The following AK4 variants were observed in gnomAD, a reference collection of about 807,000 sequenced individuals.
The protein encoded by AK4 is adenylate kinase 4.
Under a neutral mutation model 24.6 loss-of-function variants are expected in AK4, and 13 were observed. The observed-to-expected ratio is 0.53, with a 90% CI of 0.34 to 0.84. The LOEUF is 0.84. Among genes scored for constraint, AK4 ranks in the 40% least tolerant of loss-of-function variants. The pLI, the probability that AK4 is intolerant of heterozygous loss-of-function variation, is 0.01. For missense variants in AK4, 192 were observed against 288.2 expected (o/e 0.67, Z 2.42); for synonymous variants, 88 against 107.0 (o/e 0.82, Z 1.10).
At chr1:65,226,033 A>G (rs142977116) in intron 4 of AK4, 30 bp from the exon 5 acceptor site, 4 of 1,609,254 alleles carry the variant, frequency 2.5e-6, no homozygotes, top group Non-Finnish European at 3.4e-6. Context: ...AAACCTAAAA[A>G]GCCATTGTAT....
intron 1 of AK4, among the ~76,000 whole-genome samples, chr1:65,183,641 A>G (rs1650984666): frequency 6.9e-6 from 1 of 144,198 alleles, no homozygotes; most frequent in Non-Finnish European, 1.5e-5. Flanking sequence ...TTTGTGCTAT[A>G]TAAATATCCG....
At chr1:65,214,271 T>C (rs1466248328) in intron 2 of AK4, among the ~76,000 whole-genome samples, 1 of 152,026 alleles carries the variant, frequency 6.6e-6, no homozygotes, top group African/African-American at 2.4e-5. Context: ...CCACCATGCC[T>C]GGCTTATTTT....
intron 2 of AK4, among the ~76,000 whole-genome samples, chr1:65,197,723 C>T (rs1205861137): frequency 6.6e-6 from 1 of 152,208 alleles, no homozygotes; most frequent in Non-Finnish European, 1.5e-5. Context: ...ACTATAGATG[C>T]TGGAGCCAGA....
At chr1:65,221,858 A>G (rs1247622086) in intron 3 of AK4, among the ~76,000 whole-genome samples, 1 of 152,230 alleles carries the variant, frequency 6.6e-6, no homozygotes, top group East Asian at 1.9e-4. Flanking sequence ...GTGCTAACCT[A>G]GACCAGCTCT....
intron 1 of AK4, chr1:65,154,706 G>T (rs1266721654): frequency 6.4e-6 from 2 of 310,440 alleles, no homozygotes; most frequent in Non-Finnish European, 1.3e-5. Flanking sequence ...AACCACGATA[G>T]TTCTTTGTAC....
At chr1:65,190,634 G>A in intron 1 of AK4, 76 bp from the exon 2 acceptor site, 3 of 1,529,252 alleles carry the variant, frequency 2.0e-6, no homozygotes, top group Admixed American at 4.0e-5. Flanking sequence ...TGGAGAGAAG[G>A]CAAAACTAAG....
chr1:65,162,112 G>A (rs1422992805), intron 1 of AK4, among the ~76,000 whole-genome samples: 2 of 152,152 alleles, frequency 1.3e-5, no homozygotes, highest in Admixed American at 1.3e-4. Context: ...TTAGCTGGAC[G>A]TGGTGGTGCA....
chr1:65,150,835 G>A (rs1649747526), intron 1 of AK4, among the ~76,000 whole-genome samples: 1 of 152,172 alleles, frequency 6.6e-6, no homozygotes, highest in African/African-American at 2.4e-5. Flanking sequence ...TGTCTACATG[G>A]CTTTCCTCCT....
At chr1:65,215,841 A>AG (rs1652113027) in intron 2 of AK4, among the ~76,000 whole-genome samples, 1 of 152,178 alleles carries the variant, frequency 6.6e-6, no homozygotes, top group South Asian at 2.1e-4. Context: ...TATTTGTTGG[A>AG]GGAACTAATG....
At chr1:65,180,549 T>G in intron 1 of AK4, among the ~76,000 whole-genome samples, 1 of 152,198 alleles carries the variant, frequency 6.6e-6, no homozygotes, top group South Asian at 2.1e-4. Flanking sequence ...CTAAAGGACT[T>G]TGACATCTAT....
chr1:65,191,459 G>C (rs903555543), intron 2 of AK4, among the ~76,000 whole-genome samples: 11 of 151,828 alleles, frequency 7.2e-5, no homozygotes, highest in Non-Finnish European at 7.4e-5. Flanking sequence ...TTATTCTGTT[G>C]GTAGGAGGAG....
At chr1:65,179,556 C>T (rs572882167) in intron 1 of AK4, among the ~76,000 whole-genome samples, 8 of 152,140 alleles carry the variant, frequency 5.3e-5, no homozygotes, top group Non-Finnish European at 7.4e-5. Flanking sequence ...TTTCTAGAAT[C>T]GGCCAGGTGT....
chr1:65,186,777 A>C (rs1651113489), intron 1 of AK4, among the ~76,000 whole-genome samples: 1 of 152,170 alleles, frequency 6.6e-6, no homozygotes. Context: ...CTTTTCTGAT[A>C]GTGATTGTTT....
At chr1:65,163,955 C>G (rs931491740) in intron 1 of AK4, among the ~76,000 whole-genome samples, 3 of 151,966 alleles carry the variant, frequency 2.0e-5, no homozygotes, top group African/African-American at 7.3e-5. Flanking sequence ...GTGGTGTCAG[C>G]TGATCCAGTG....
chr1:65,153,288 G>A (rs1173252383), intron 1 of AK4, among the ~76,000 whole-genome samples: 2 of 151,780 alleles, frequency 1.3e-5, no homozygotes, highest in Non-Finnish European at 2.9e-5. Flanking sequence ...TCTTCTTTTT[G>A]AGACATAGTT....
chr1:65,158,364 T>C (rs1650044814), intron 1 of AK4, among the ~76,000 whole-genome samples: 1 of 152,252 alleles, frequency 6.6e-6, no homozygotes, highest in Admixed American at 6.5e-5. Context: ...TATGCTAGTC[T>C]GCTCTTTAAC....
At position 65,191,579 on chromosome 1, in the gene AK4, A is replaced by T. The variant is rs1651309055; in HGVS notation, c.265+750A>T. The stretch of plus-strand genomic sequence containing the variant: ...TTTTCAGCAGAGGGACAATGTGAAC[A>T]GGGTGAAAGGGGAATGAGTTATCTT... On this transcript the variant is annotated intron_variant, in intron 2 of 4. Coordinates refer to ENST00000327299, the MANE Select transcript of AK4 (RefSeq NM_013410.4). Among the ~76,000 whole-genome samples, 6 of 151,464 alleles carry T rather than the reference A, an allele frequency of 4.0e-5. No individual in the cohort carries two copies. In the South Asian group the frequency reaches 1.3e-3, roughly 32 times the overall value.
intron 2 of AK4, among the ~76,000 whole-genome samples, chr1:65,217,205 C>A (rs899463829): frequency 2.6e-5 from 4 of 152,178 alleles, no homozygotes; most frequent in Non-Finnish European, 4.4e-5. Flanking sequence ...TTGTCACATT[C>A]AACTCAGTGA....
chr1:65,222,081 TTATAGTCCAGGGTGA>T lies in AK4; in HGVS notation c.439-2670_439-2656del, dbSNP rs1267507519. Among the ~76,000 whole-genome samples, 7 of 152,246 alleles carry T rather than the reference TTATAGTCCAGGGTGA, an allele frequency of 4.6e-5. No homozygotes were observed. The East Asian group carries it at 1.4e-3, about 29-fold the overall frequency. ...CAGCTGGTGGTGGATGCCCCGGATT[TTATAGTCCAGGGTGA>T]GGAGATGGTGTCTGATTTACATAGG... is the stretch of plus-strand genomic sequence containing the variant. On this transcript the variant is annotated intron_variant, in intron 3 of 4. Transcript: ENST00000327299.
Sources: allele counts gnomAD v4.1 joint callset (sites outside exome capture counted in the v4.1 genomes callset), GRCh38; gene constraint gnomAD v4.1.1; transcripts MANE v1.5; gene names NCBI Gene and HGNC (gene_info 2026-07-23, HGNC 2026-07-21).